Variants in CCDC3 observed in about 807,000 individuals in gnomAD.
CCDC3 encodes coiled-coil domain-containing protein 3.
Under a neutral mutation model 21.4 loss-of-function variants are expected in CCDC3, and 24 were observed. The observed-to-expected ratio is 1.12, with a 90% CI of 0.81 to 1.58. The LOEUF is 1.58. Ranked by LOEUF, CCDC3 falls within the 40% of genes most tolerant of loss-of-function variation. The pLI is 0.00. For synonymous variants in CCDC3, 186 were observed against 166.0 expected, an observed-to-expected ratio of 1.12 and a Z score of -0.93; for missense variants, 425 against 360.9, an observed-to-expected ratio of 1.18 and a Z score of -1.44.
intron 2 of CCDC3, among the ~76,000 whole-genome samples, chr10:12,922,863 C>T (rs866491739): frequency 3.9e-5 from 6 of 152,126 alleles, no homozygotes; most frequent in African/African-American, 1.4e-4. Context: ...CCCCAAATGC[C>T]AATTTATAGC....
rs190512508 is a variant in CCDC3 at position 13,028,584 on chromosome 10, G to A, written c.-2+21090C>T. ...CTCATAGAGCACCCACAGATGACAGGGTTGAACAAAACATTTAGGGATTTA... is the reference window on the plus strand; with the variant it reads ...CTCATAGAGCACCCACAGATGACAGAGTTGAACAAAACATTTAGGGATTTA... On this transcript the variant is annotated intron_variant, in intron 5 of 6. Coordinates refer to the CCDC3 transcript ENST00000378839. Among the ~76,000 whole-genome samples, 479 of 152,090 alleles carry A rather than the reference G, an allele frequency of 3.1e-3. 6 individuals carry two copies. The highest frequency in any genetic ancestry group is 0.024 in the South Asian group (114 of 4,804).
chr10:12,923,745 G>C (rs1178225938), intron 2 of CCDC3, among the ~76,000 whole-genome samples: 1 of 152,078 alleles, frequency 6.6e-6, no homozygotes, highest in Non-Finnish European at 1.5e-5. Context: ...TGTCCCTCCC[G>C]ACCCGTCTCC....
intron 2 of CCDC3, chr10:13,098,710 A>ATTTTGTTTTTT (rs1832666858): frequency 1.5e-5 from 1 of 64,854 alleles, no homozygotes; most frequent in Non-Finnish European, 2.7e-5. Context: ...TCCTGCACTG[A>ATTTTGTTTTTT]TTTTTTTTTT....
At chr10:12,914,132 G>A (rs986246286) in intron 2 of CCDC3, among the ~76,000 whole-genome samples, 2 of 152,164 alleles carry the variant, frequency 1.3e-5, no homozygotes, top group African/African-American at 4.8e-5. Flanking sequence ...GTTCAATTTT[G>A]TGGAAGAATT....
intron 2 of CCDC3, among the ~76,000 whole-genome samples, chr10:12,950,235 G>C (rs1444938878): frequency 6.6e-6 from 1 of 152,180 alleles, no homozygotes; most frequent in Non-Finnish European, 1.5e-5. Context: ...GCCTTCCTCT[G>C]CCTGCTGGAG....
chr10:12,922,080 C>T (rs889120855), intron 2 of CCDC3, among the ~76,000 whole-genome samples: 6 of 152,042 alleles, frequency 3.9e-5, no homozygotes, highest in Admixed American at 1.3e-4. Flanking sequence ...AGGACATTCA[C>T]GTTATACAAA....
intron 5 of CCDC3, among the ~76,000 whole-genome samples, chr10:13,006,862 C>T (rs1835929627): frequency 6.6e-6 from 1 of 152,174 alleles, no homozygotes; most frequent in South Asian, 2.1e-4. Context: ...AGGTTTTCAG[C>T]TACCAGAGTT....
At chr10:12,961,654 G>A (rs1835180075) in intron 2 of CCDC3, among the ~76,000 whole-genome samples, 1 of 152,220 alleles carries the variant, frequency 6.6e-6, no homozygotes, top group South Asian at 2.1e-4. Context: ...GGTGCAGTCT[G>A]TTAAATTGAC....
At chr10:12,957,192 C>T (rs1835102649) in intron 2 of CCDC3, among the ~76,000 whole-genome samples, 1 of 152,154 alleles carries the variant, frequency 6.6e-6, no homozygotes, top group South Asian at 2.1e-4. Flanking sequence ...ACCCCCCTGG[C>T]CACTTTGTGT....
chr10:12,984,397 A>G (rs1462528010), intron 2 of CCDC3, among the ~76,000 whole-genome samples: 1 of 152,236 alleles, frequency 6.6e-6, no homozygotes, highest in Non-Finnish European at 1.5e-5. Context: ...TCATTAAGAT[A>G]GACAATAACA....
rs556662417 is a variant in CCDC3, at chr10:12,910,653, A to C, written c.550-11974T>G. On this transcript the variant is annotated intron_variant, in intron 2 of 2. Transcript: ENST00000378825. ...GACACAGAGTCTTGCTCTGTTGCCC[A>C]GGCTAGAATATAGTGGCGTGATCTT... Among the ~76,000 whole-genome samples, 30 of 141,764 alleles carry C rather than the reference A, an allele frequency of 2.1e-4. 1 individual carries two copies. The highest frequency in any genetic ancestry group is 7.9e-4 in the African/African-American group (30 of 37,976). The allele number at this position is 141,764 out of a possible 152,430, so 93.0% of individuals were successfully genotyped here.
At chr10:12,984,364 G>C (rs975176252) in intron 2 of CCDC3, among the ~76,000 whole-genome samples, 10 of 152,164 alleles carry the variant, frequency 6.6e-5, no homozygotes, top group African/African-American at 2.4e-4. Context: ...GATACCACTT[G>C]AGTCCCACTA....
chr10:13,086,458 G>A lies in CCDC3; in HGVS notation c.-503+12067C>T, dbSNP rs61448389. Among the ~76,000 whole-genome samples the A allele has an allele frequency of 7.9e-5, 12 of 152,174 alleles. No homozygotes were observed. In the East Asian group the frequency reaches 2.1e-3, roughly 27 times the overall value. On this transcript the variant is annotated intron_variant, in intron 3 of 6. Coordinates refer to the CCDC3 transcript ENST00000378839. Reference sequence around the variant, plus strand: ...AAACTCTGAATCCTCTCTGCAAAAGGTTTCTTTCTTTTTTTTGAGATGGAG... The same window carrying A: ...AAACTCTGAATCCTCTCTGCAAAAGATTTCTTTCTTTTTTTTGAGATGGAG...
rs763414580 is a variant in CCDC3, at chr10:12,898,433, G to C, written c.796C>G (p.Pro266Ala). ...CAGGCCCGTTACCCCCGCAGGTAGG[G>C]GGGGCGCACGGGCCCCCGGGCATTG... is the stretch of plus-strand genomic sequence containing the variant. ...HINARGPVRPPYLRG is the reference protein window; with the variant it reads ...HINARGPVRPAYLRG The change falls in exon 3 of 3, where the codon CCC becomes GCC. Residue 266 changes from proline (P) to alanine (A), a missense_variant. Transcript: ENST00000378825. 32 of 1,603,900 alleles carry C rather than the reference G, an allele frequency of 2.0e-5. No individual in the cohort carries two copies. The East Asian group carries it at 6.7e-4, about 34-fold the overall frequency.
chr10:13,062,090 G>A (rs1399842539), intron 4 of CCDC3, among the ~76,000 whole-genome samples: 3 of 151,868 alleles, frequency 2.0e-5, no homozygotes, highest in Admixed American at 6.6e-5. Flanking sequence ...ATTCAGAAAG[G>A]AAAGTAAGTA....
chr10:12,936,112 C>A (rs1207198535), intron 2 of CCDC3, among the ~76,000 whole-genome samples: 1 of 152,158 alleles, frequency 6.6e-6, no homozygotes, highest in Non-Finnish European at 1.5e-5. Flanking sequence ...CAATTTTCCC[C>A]TCTCTGAACA....
intron 5 of CCDC3, among the ~76,000 whole-genome samples, chr10:13,025,956 G>A (rs1184626493): frequency 6.6e-6 from 1 of 152,140 alleles, no homozygotes; most frequent in Non-Finnish European, 1.5e-5. Flanking sequence ...TGAGGTCGGA[G>A]GATCACTTGA....
chr10:12,973,250 A>T (rs1186993761), intron 2 of CCDC3, among the ~76,000 whole-genome samples: 2 of 152,172 alleles, frequency 1.3e-5, no homozygotes, highest in African/African-American at 2.4e-5. Flanking sequence ...AGGATGCAAG[A>T]ACACAATATC....
At chr10:13,082,160 A>T (rs922442770) in intron 3 of CCDC3, among the ~76,000 whole-genome samples, 1 of 152,176 alleles carries the variant, frequency 6.6e-6, no homozygotes, top group African/African-American at 2.4e-5. Context: ...TACCACCAAG[A>T]TGTGGAGACT....
Sources: gnomAD v4.1 joint callset for allele counts (sites outside exome capture counted in the v4.1 genomes callset) on GRCh38, gnomAD v4.1.1 for gene constraint, MANE v1.5 for transcripts, NCBI Gene and HGNC (gene_info 2026-07-23, HGNC 2026-07-21) for gene names.